Variants in MICAL3 observed in about 807,000 individuals in gnomAD.
MICAL3 encodes [F-actin]-monooxygenase MICAL3.
Under a neutral mutation model 207.4 loss-of-function variants are expected in MICAL3, and 62 were observed. The ratio of observed to expected loss-of-function variants is 0.30; its 90% CI spans 0.24 to 0.37. The LOEUF (loss-of-function observed/expected upper bound fraction) is 0.37, where lower values mean the gene tolerates loss of function less well. MICAL3 is among the 10% of genes least tolerant of loss of function. The probability of loss-of-function intolerance (pLI) is 1.00; values close to 1 mark genes in which losing one functional copy is unlikely to be tolerated. For missense variants in MICAL3, 2,368 were observed against 2,635.6 expected (o/e 0.90, Z 2.22); for synonymous variants, 1,077 against 1,069.3 (o/e 1.01, Z -0.14).
At chr22:17,960,889 C>G (rs188258259) in intron 1 of MICAL3, among the ~76,000 whole-genome samples, 1 of 152,130 alleles carries the variant, frequency 6.6e-6, no homozygotes, top group Non-Finnish European at 1.5e-5. Flanking sequence ...GGAAAGAGCA[C>G]GAGCTCAGCA....
chr22:17,971,799 T>C (rs73390548), intron 1 of MICAL3, among the ~76,000 whole-genome samples: 7,375 of 152,186 alleles, frequency 0.048, 581 homozygotes, highest in African/African-American at 0.17. Flanking sequence ...CAGGTGGTAA[T>C]GAAGAGGTAT....
chr22:17,866,146 C>T, intron 17 of MICAL3, 134 bp from the exon 18 acceptor site: 1 of 692,230 alleles, frequency 1.4e-6, no homozygotes, highest in South Asian at 1.6e-5. Flanking sequence ...CTTCCCTGGG[C>T]CCAGCTTTCT....
chr22:17,884,273 AC>A, intron 16 of MICAL3: 1 of 1,586,406 alleles, frequency 6.3e-7, no homozygotes, highest in Non-Finnish European at 8.6e-7. Flanking sequence ...CAGTTCCTTT[AC>A]CTGTTTCCAC....
At chr22:17,956,836 A>C (rs1486519711) in intron 1 of MICAL3, among the ~76,000 whole-genome samples, 3 of 152,160 alleles carry the variant, frequency 2.0e-5, no homozygotes, top group Admixed American at 1.3e-4. Flanking sequence ...TCAGACACCA[A>C]CTGGAGAAAG....
chr22:17,929,381 G>A (rs1024054496), intron 1 of MICAL3, among the ~76,000 whole-genome samples: 2 of 151,022 alleles, frequency 1.3e-5, no homozygotes, highest in Non-Finnish European at 1.5e-5. Context: ...AGGATTAAGA[G>A]GCATGAGCCA....
At chr22:17,815,738 C>T (rs772740840) in intron 27 of MICAL3, 13 of 152,320 alleles carry the variant, frequency 8.5e-5, no homozygotes, top group Non-Finnish European at 4.4e-5. Flanking sequence ...GACGAATGCA[C>T]CAAGGAGGGG....
Position 17,832,038 on chromosome 22 carries a change from G to T in MICAL3, c.2871C>A (p.Asp957Glu), listed in dbSNP as rs1251046526. The T allele has an allele frequency of 1.2e-6, 2 of 1,604,642 alleles. No individual in the cohort carries two copies. Among genetic ancestry groups the T allele is most frequent in the African/African-American group, 2.7e-5 (2 of 74,300 alleles). ...EEEEPRLPPS[D>E]LGGVPWKEAV... Reference sequence around the variant, plus strand: ...CCTCCTTCCACGGAACACCACCCAGGTCAGATGGGGGCAGGCGAGGCTCCT... The same window carrying T: ...CCTCCTTCCACGGAACACCACCCAGTTCAGATGGGGGCAGGCGAGGCTCCT... The change falls in exon 21 of 32, where the codon GAC becomes GAA. Residue 957 changes from aspartate (D) to glutamate (E), a missense_variant. Asp to Glu is a conservative substitution (Grantham distance 45). Around this residue, in one of 4 missense-constraint regions of MICAL3, gnomAD observed 1,770 missense variants for 1,863.2 expected, o/e 0.95. Coordinates refer to ENST00000441493, the MANE Select transcript of MICAL3 (RefSeq NM_015241.3).
intron 1 of MICAL3, among the ~76,000 whole-genome samples, chr22:17,935,677 C>G (rs1170101393): frequency 6.6e-6 from 1 of 151,992 alleles, no homozygotes; most frequent in African/African-American, 2.4e-5. Flanking sequence ...TGCAATCTAC[C>G]CATCTGACAA....
intron 1 of MICAL3, among the ~76,000 whole-genome samples, chr22:17,979,673 C>A (rs549536121): frequency 6.6e-6 from 1 of 152,232 alleles, no homozygotes; most frequent in South Asian, 2.1e-4. Flanking sequence ...GAAACAGATC[C>A]CTCCAGCACC....
At chr22:17,971,349 T>A (rs1372370032) in intron 1 of MICAL3, among the ~76,000 whole-genome samples, 3 of 151,962 alleles carry the variant, frequency 2.0e-5, no homozygotes, top group Non-Finnish European at 2.9e-5. Context: ...GTGTCTGTAA[T>A]CCCAGCTACT....
rs1229732359 is a variant in MICAL3 at position 17,793,051 on chromosome 22, C to A, written c.5651-1750G>T. ...CCTCCCCACGAAGATACAGAAAATG[C>A]CACCGGAGACGTGCGGACAGCGCTC... On this transcript the variant is annotated intron_variant, in intron 29 of 31. Transcript: ENST00000441493. This position sits in a 1 kb window ranked among gnomAD's most constrained non-coding sequence, Gnocchi z 4.1. Among the ~76,000 whole-genome samples the A allele has an allele frequency of 6.6e-6, 1 of 152,190 alleles. No individual in the cohort carries two copies. The highest frequency in any genetic ancestry group is 1.5e-5 in the Non-Finnish European group (1 of 68,016).
intron 13 of MICAL3, 113 bp from the exon 14 acceptor site, chr22:17,887,548 G>T: frequency 1.6e-6 from 1 of 643,462 alleles, no homozygotes; most frequent in Non-Finnish European, 2.7e-6. Context: ...GGCTCTAAAG[G>T]TTCACCAGCT....
chr22:17,799,149 G>A (rs1490755865), intron 29 of MICAL3, among the ~76,000 whole-genome samples: 1 of 152,122 alleles, frequency 6.6e-6, no homozygotes, highest in Non-Finnish European at 1.5e-5. Context: ...TTGGGATGCC[G>A]AGACAGGTGG....
intron 1 of MICAL3, among the ~76,000 whole-genome samples, chr22:17,999,412 GGGGGGGACCTCATTA>G (rs1442641026): frequency 6.6e-6 from 1 of 152,052 alleles, no homozygotes; most frequent in Admixed American, 6.6e-5. Context: ...GAGGAGGAAT[GGGGGGGACCTCATTA>G]CCCTAATTTA....
chr22:17,890,718 A>T (rs990882649), intron 12 of MICAL3, among the ~76,000 whole-genome samples: 6 of 152,190 alleles, frequency 3.9e-5, no homozygotes, highest in African/African-American at 1.4e-4. Flanking sequence ...ACAAACAGAA[A>T]TTGGCCCCTT....
At chr22:17,891,136 G>A (rs1050272701) in intron 12 of MICAL3, among the ~76,000 whole-genome samples, 5 of 152,128 alleles carry the variant, frequency 3.3e-5, no homozygotes, top group Admixed American at 6.5e-5. Flanking sequence ...CCGAAATGAA[G>A]AGTTCAACCG....
intron 1 of MICAL3, among the ~76,000 whole-genome samples, chr22:18,008,136 A>G (rs1923519414): frequency 6.6e-6 from 1 of 152,016 alleles, no homozygotes; most frequent in South Asian, 2.1e-4. Context: ...GCTACTCAGG[A>G]GGCTGAGGCA....
intron 5 of MICAL3, 54 bp from the exon 6 acceptor site, chr22:17,901,051 C>T: frequency 6.4e-7 from 1 of 1,571,494 alleles, no homozygotes; most frequent in Non-Finnish European, 8.8e-7. Context: ...GAAGGAAGAT[C>T]ACTTCAGATA....
intron 19 of MICAL3, chr22:17,863,309 G>A: frequency 3.0e-6 from 3 of 985,420 alleles, no homozygotes; most frequent in Non-Finnish European, 3.6e-6. Context: ...TGAGTAGTCA[G>A]GTTCCTCAGA....
Sources: gnomAD v4.1 joint callset for allele counts (sites outside exome capture counted in the v4.1 genomes callset) on GRCh38, gnomAD v4.1.1 for gene constraint, gnomAD v4.1.1 regional missense constraint, Gnocchi (gnomAD v3.1) non-coding constraint, MANE v1.5 for transcripts, NCBI Gene and HGNC (gene_info 2026-07-23, HGNC 2026-07-21) for gene names.